The following ZNF804A variants were observed in gnomAD, a reference collection of about 807,000 sequenced individuals.
The protein encoded by ZNF804A is zinc finger protein 804A.
A neutral mutation model predicts 16.5 loss-of-function variants in ZNF804A; 2 were observed. The ratio of observed to expected loss-of-function variants is 0.12; its 90% confidence interval spans 0.05 to 0.38. ZNF804A has a LOEUF of 0.38. Ranked by LOEUF, ZNF804A falls within the 10% of genes least tolerant of loss-of-function variation. The probability of loss-of-function intolerance (pLI) is 0.99; values close to 1 mark genes in which losing one functional copy is unlikely to be tolerated. For missense variants in ZNF804A, 1,473 were observed against 1,390.7 expected (o/e 1.06, Z -0.94); for synonymous variants, 534 against 489.6 (o/e 1.09, Z -1.20).
chr2:184,849,382 G>C (rs941215543), intron 1 of ZNF804A, among the ~76,000 whole-genome samples: 1 of 152,020 alleles, frequency 6.6e-6, no homozygotes, highest in African/African-American at 2.4e-5. Context: ...AGTCTCTTAA[G>C]TAAGTGCTGC....
At chr2:184,700,282 TTAAC>T (rs895192415) in intron 1 of ZNF804A, among the ~76,000 whole-genome samples, 1 of 152,136 alleles carries the variant, frequency 6.6e-6, no homozygotes, top group Non-Finnish European at 1.5e-5. Context: ...ATGAATAAAT[TTAAC>T]TAAATAGATT....
intron 2 of ZNF804A, among the ~76,000 whole-genome samples, chr2:184,889,769 A>ACATG (rs1437898259): frequency 1.3e-5 from 2 of 152,058 alleles, no homozygotes; most frequent in Non-Finnish European, 2.9e-5. Flanking sequence ...CTCACTAAGT[A>ACATG]CATGGTACCT....
chr2:184,911,832 TTTTA>T (rs1346564539), intron 2 of ZNF804A, among the ~76,000 whole-genome samples: 25 of 152,044 alleles, frequency 1.6e-4, no homozygotes, highest in African/African-American at 6.0e-4. Flanking sequence ...TTGTTCTGCA[TTTTA>T]TTTCTTTCTC....
chr2:184,866,078 C>T (rs968325226), intron 1 of ZNF804A, among the ~76,000 whole-genome samples: 12 of 152,148 alleles, frequency 7.9e-5, no homozygotes, highest in African/African-American at 2.9e-4. Flanking sequence ...AGTTTTTATG[C>T]TAACCTAGCA....
intron 1 of ZNF804A, among the ~76,000 whole-genome samples, chr2:184,685,456 A>C (rs1056652373): frequency 6.6e-6 from 1 of 152,078 alleles, no homozygotes; most frequent in Non-Finnish European, 1.5e-5. Flanking sequence ...CAGCTCTTTC[A>C]GTCCCCCCTT....
At chr2:184,816,701 C>T (rs1195017426) in intron 1 of ZNF804A, among the ~76,000 whole-genome samples, 1 of 151,932 alleles carries the variant, frequency 6.6e-6, no homozygotes, top group Non-Finnish European at 1.5e-5. Context: ...CCCTGACTTG[C>T]TAAACCTTTG....
chr2:184,836,237 G>C (rs1440048533), intron 1 of ZNF804A, among the ~76,000 whole-genome samples: 1 of 152,122 alleles, frequency 6.6e-6, no homozygotes, highest in Non-Finnish European at 1.5e-5. Context: ...GATAGATAAT[G>C]AGTGCCATTA....
chr2:184,872,289 T>A (rs959100726), intron 2 of ZNF804A, among the ~76,000 whole-genome samples: 1 of 152,034 alleles, frequency 6.6e-6, no homozygotes, highest in East Asian at 1.9e-4. Flanking sequence ...GGATTATAGA[T>A]AAAACAAGAA....
chr2:184,776,031 A>G (rs754381898), intron 1 of ZNF804A, among the ~76,000 whole-genome samples: 1 of 151,634 alleles, frequency 6.6e-6, no homozygotes, highest in Non-Finnish European at 1.5e-5. Flanking sequence ...TTCTACAAGT[A>G]TTTACTAAGC....
chr2:184,719,940 A>G (rs1447537777), intron 1 of ZNF804A, among the ~76,000 whole-genome samples: 2 of 152,146 alleles, frequency 1.3e-5, no homozygotes, highest in East Asian at 3.8e-4. Context: ...CTGAATATCA[A>G]TGTAAAGTAT....
chr2:184,687,909 A>G (rs1692663967), intron 1 of ZNF804A, among the ~76,000 whole-genome samples: 1 of 152,198 alleles, frequency 6.6e-6, no homozygotes, highest in African/African-American at 2.4e-5. Flanking sequence ...AACTGAGGTC[A>G]GCAGTTCAAG....
At position 184,669,991 on chromosome 2, in the gene ZNF804A, T is replaced by C. The variant is rs1455510225; in HGVS notation, c.111+70921T>C. Among the ~76,000 whole-genome samples the C allele has an allele frequency of 3.3e-5, 5 of 152,152 alleles. 1 individual carries two copies. The highest frequency in any genetic ancestry group is 4.8e-5 in the African/African-American group (2 of 41,448). On this transcript the variant is annotated intron_variant, in intron 1 of 3. Transcript: ENST00000302277. ...GGCTTTTAAACTATACTAATGTTTG[T>C]TCATATGAAAATTCATTTATTTTTC...
chr2:184,622,295 T>C (rs1691432342), intron 1 of ZNF804A, among the ~76,000 whole-genome samples: 1 of 151,876 alleles, frequency 6.6e-6, no homozygotes, highest in Non-Finnish European at 1.5e-5. Flanking sequence ...TCAATTCCTC[T>C]AAAGTATACC....
chr2:184,704,240 C>T (rs904042038), intron 1 of ZNF804A, among the ~76,000 whole-genome samples: 2 of 151,940 alleles, frequency 1.3e-5, no homozygotes, highest in African/African-American at 4.8e-5. Context: ...CAACCCCCGC[C>T]TCCCGAGATC....
At chr2:184,916,577 C>T (rs115091590) in intron 2 of ZNF804A, among the ~76,000 whole-genome samples, 162 of 152,278 alleles carry the variant, frequency 1.1e-3, no homozygotes, top group Non-Finnish European at 2.0e-3. Flanking sequence ...TGGCCTGGCA[C>T]GGTGGCTGAC....
At chr2:184,611,077 C>A (rs891301725) in intron 1 of ZNF804A, among the ~76,000 whole-genome samples, 5 of 152,096 alleles carry the variant, frequency 3.3e-5, no homozygotes, top group African/African-American at 1.2e-4. Context: ...GATTAAGGTG[C>A]CAATTTGGTG....
At chr2:184,865,152 C>T (rs1037876218) in intron 1 of ZNF804A, among the ~76,000 whole-genome samples, 1 of 151,900 alleles carries the variant, frequency 6.6e-6, no homozygotes, top group Non-Finnish European at 1.5e-5. Context: ...AGTGCTGGGA[C>T]TGCAGGCATG....
chr2:184,742,176 G>C (rs1244336246), intron 1 of ZNF804A, among the ~76,000 whole-genome samples: 3 of 151,874 alleles, frequency 2.0e-5, no homozygotes, highest in African/African-American at 7.3e-5. Context: ...CTCGGATATG[G>C]TGTGTAACTA....
chr2:184,910,948 T>A (rs1685345787), intron 2 of ZNF804A, among the ~76,000 whole-genome samples: 1 of 152,228 alleles, frequency 6.6e-6, no homozygotes, highest in South Asian at 2.1e-4. Context: ...TTGTTGATAG[T>A]TTCTTTTGAT....
Sources: allele counts gnomAD v4.1 joint callset (sites outside exome capture counted in the v4.1 genomes callset), GRCh38; gene constraint gnomAD v4.1.1; transcripts MANE v1.5; gene names NCBI Gene and HGNC (gene_info 2026-07-23, HGNC 2026-07-21).